Variants in EPHA5 observed in about 807,000 individuals in gnomAD.
EPHA5 encodes the protein EPH receptor A5.
Under a neutral mutation model 105.0 loss-of-function variants are expected in EPHA5, and 60 were observed. The ratio of observed to expected loss-of-function variants is 0.57; its 90% confidence interval spans 0.46 to 0.71. The LOEUF (loss-of-function observed/expected upper bound fraction) is 0.71. EPHA5 is among the 30% of genes least tolerant of loss of function. The pLI, the probability that EPHA5 is intolerant of heterozygous loss-of-function variation, is 0.00. For missense variants in EPHA5, 1,218 were observed against 1,274.7 expected (o/e 0.96, Z 0.68); for synonymous variants, 513 against 449.1 (o/e 1.14, Z -1.80).
At chr4:65,644,682 T>C (rs1470710542) in intron 1 of EPHA5, among the ~76,000 whole-genome samples, 2 of 152,022 alleles carry the variant, frequency 1.3e-5, no homozygotes, top group African/African-American at 4.8e-5. Flanking sequence ...TACATTTAAC[T>C]ATTATTATGC....
chr4:65,419,201 T>C (rs898078544), intron 6 of EPHA5, among the ~76,000 whole-genome samples: 21 of 152,078 alleles, frequency 1.4e-4, no homozygotes, highest in African/African-American at 4.8e-4. Flanking sequence ...CTTTTATCTA[T>C]GCATGTATAT....
chr4:65,343,178 C>T (rs1013203350), intron 14 of EPHA5, among the ~76,000 whole-genome samples: 4 of 152,122 alleles, frequency 2.6e-5, no homozygotes, highest in Admixed American at 2.6e-4. Context: ...ATTTTAGCTT[C>T]TGAAAACTGT....
intron 3 of EPHA5, among the ~76,000 whole-genome samples, chr4:65,502,388 C>T (rs1305957024): frequency 3.4e-5 from 5 of 148,262 alleles, no homozygotes; most frequent in African/African-American, 1.2e-4. Context: ...CCCTAAGGAA[C>T]TTAAACAATT....
At chr4:65,377,197 A>AT (rs1015504474) in intron 8 of EPHA5, 9 of 690,914 alleles carry the variant, frequency 1.3e-5, no homozygotes, top group Non-Finnish European at 1.7e-5. Context: ...CATACAATTA[A>AT]TTTTTTTCCA....
At chr4:65,420,592 G>C (rs750608055) in intron 5 of EPHA5, 27 bp from the exon 6 acceptor site, 1 of 1,606,920 alleles carries the variant, frequency 6.2e-7, no homozygotes, top group Non-Finnish European at 8.5e-7. Context: ...ATAAGGAGCA[G>C]TATGATTAAT....
intron 11 of EPHA5, among the ~76,000 whole-genome samples, chr4:65,363,192 AAGAAAGATAAG>A (rs1326847404): frequency 6.6e-6 from 1 of 151,522 alleles, no homozygotes; most frequent in East Asian, 1.9e-4. Flanking sequence ...AGAGCATAGG[AAGAAAGATAAG>A]TGGAGAAGTA....
intron 16 of EPHA5, among the ~76,000 whole-genome samples, chr4:65,327,367 C>T (rs1425288610): frequency 6.6e-6 from 1 of 151,060 alleles, no homozygotes; most frequent in Non-Finnish European, 1.5e-5. Context: ...AAGGGCACAC[C>T]AGTGAAATTA....
At chr4:65,432,052 T>C (rs894006119) in intron 5 of EPHA5, among the ~76,000 whole-genome samples, 3 of 152,190 alleles carry the variant, frequency 2.0e-5, no homozygotes, top group Non-Finnish European at 4.4e-5. Flanking sequence ...AGTTTACTTG[T>C]AGATGAACTT....
At chr4:65,487,540 G>A (rs903060008) in intron 5 of EPHA5, among the ~76,000 whole-genome samples, 1 of 152,126 alleles carries the variant, frequency 6.6e-6, no homozygotes, top group Non-Finnish European at 1.5e-5. Flanking sequence ...TTTGATTGGT[G>A]TTCAAGATAT....
intron 5 of EPHA5, among the ~76,000 whole-genome samples, chr4:65,451,605 A>G (rs1024106710): frequency 6.6e-6 from 1 of 152,182 alleles, no homozygotes; most frequent in South Asian, 2.1e-4. Flanking sequence ...AAGCTGTTTT[A>G]TCAAAGTTAG....
chr4:65,505,619 G>A (rs1732932050), intron 3 of EPHA5, among the ~76,000 whole-genome samples: 1 of 152,014 alleles, frequency 6.6e-6, no homozygotes, highest in Admixed American at 6.6e-5. Context: ...TTGAGAAAAT[G>A]CACTCTCACG....
intron 8 of EPHA5, among the ~76,000 whole-genome samples, chr4:65,390,853 A>G (rs1720646647): frequency 6.6e-6 from 1 of 151,994 alleles, no homozygotes; most frequent in South Asian, 2.1e-4. Flanking sequence ...AATGAGAGAA[A>G]CAAGGAGTAA....
At chr4:65,637,331 A>T (rs1281314609) in intron 2 of EPHA5, among the ~76,000 whole-genome samples, 2 of 150,704 alleles carry the variant, frequency 1.3e-5, no homozygotes, top group African/African-American at 4.9e-5. Context: ...ATTGTCACAG[A>T]TTGGTAACTT....
intron 3 of EPHA5, among the ~76,000 whole-genome samples, chr4:65,576,046 GAAA>G (rs2149387160): frequency 1.8e-5 from 1 of 57,000 alleles, no homozygotes; most frequent in African/African-American, 6.1e-5. Flanking sequence ...AAGAAAGAAA[GAAA>G]GAAAGAAAGA....
intron 8 of EPHA5, among the ~76,000 whole-genome samples, chr4:65,382,842 T>C (rs1479779144): frequency 1.3e-5 from 2 of 151,680 alleles, no homozygotes; most frequent in Non-Finnish European, 3.0e-5. Flanking sequence ...AAACACGTAT[T>C]GTATTGAACT....
chr4:65,398,552 A>T (rs1435160857), intron 8 of EPHA5, among the ~76,000 whole-genome samples: 1 of 152,116 alleles, frequency 6.6e-6, no homozygotes, highest in East Asian at 1.9e-4. Context: ...CACTTCTGTG[A>T]TCCAGAGTGA....
intron 5 of EPHA5, among the ~76,000 whole-genome samples, chr4:65,439,537 G>T (rs997041464): frequency 6.1e-4 from 91 of 150,356 alleles, no homozygotes; most frequent in Non-Finnish European, 3.5e-4. Flanking sequence ...TGCAAGTGCT[G>T]GTTGAAAATT....
chr4:65,561,366 C>T (rs1738996977), intron 3 of EPHA5, among the ~76,000 whole-genome samples: 2 of 148,944 alleles, frequency 1.3e-5, no homozygotes, highest in Non-Finnish European at 3.0e-5. Flanking sequence ...TGATGTTATT[C>T]ACAGTCATAG....
At chr4:65,349,832 T>C (rs1220650716) in intron 13 of EPHA5, among the ~76,000 whole-genome samples, 2 of 152,188 alleles carry the variant, frequency 1.3e-5, no homozygotes, top group Non-Finnish European at 2.9e-5. Flanking sequence ...TTATTAATAT[T>C]CCTTTTAGAA....
Sources: allele counts gnomAD v4.1 joint callset (sites outside exome capture counted in the v4.1 genomes callset), GRCh38; gene constraint gnomAD v4.1.1; transcripts MANE v1.5; gene names NCBI Gene and HGNC (gene_info 2026-07-23, HGNC 2026-07-21).